Variants in DLG5 observed in about 807,000 individuals in gnomAD.
DLG5 encodes disks large homolog 5.
DLG5 carries 48 observed loss-of-function variants against 189.8 expected under a neutral mutation model. The ratio of observed to expected loss-of-function variants is 0.25; its 90% CI spans 0.20 to 0.32. The LOEUF (loss-of-function observed/expected upper bound fraction) is 0.32. Ranked by LOEUF, DLG5 falls within the 10% of genes least tolerant of loss-of-function variation. The pLI is 1.00. For synonymous variants in DLG5, 1,016 were observed against 1,054.1 expected (o/e 0.96, Z 0.70); for missense variants, 2,160 against 2,544.7 (o/e 0.85, Z 3.25).
intron 1 of DLG5, among the ~76,000 whole-genome samples, chr10:77,891,310 T>C (rs1355290836): frequency 2.0e-5 from 3 of 152,212 alleles, no homozygotes; most frequent in African/African-American, 7.2e-5. Flanking sequence ...CAATGATTTA[T>C]GTGCCGCAAG....
intron 1 of DLG5, among the ~76,000 whole-genome samples, chr10:77,878,551 C>G (rs1845176846): frequency 6.6e-6 from 1 of 152,148 alleles, no homozygotes; most frequent in African/African-American, 2.4e-5. Context: ...GAGTGTTTTG[C>G]TGGTTAGAAG....
At chr10:77,836,454 G>A (rs12253712) in intron 7 of DLG5, among the ~76,000 whole-genome samples, 7,239 of 152,172 alleles carry the variant, frequency 0.048, 559 homozygotes, top group African/African-American at 0.17. Flanking sequence ...AAGCACGACA[G>A]CAGAGGCGCT....
the DLG5 span, among the ~76,000 whole-genome samples, chr10:77,934,860 G>T: frequency 6.9e-3 from 942 of 137,240 alleles, 14 homozygotes; most frequent in African/African-American, 0.023. Flanking sequence ...TTGTTTTTTT[G>T]TTTTTTTTTT....
intron 27 of DLG5, among the ~76,000 whole-genome samples, chr10:77,797,137 G>A (rs761024513): frequency 3.3e-5 from 5 of 152,184 alleles, no homozygotes; most frequent in South Asian, 2.1e-4. Context: ...TCCTCAGAAC[G>A]CAATGCCTCT....
chr10:77,840,006 C>T (rs925563658), intron 7 of DLG5, among the ~76,000 whole-genome samples: 1 of 152,220 alleles, frequency 6.6e-6, no homozygotes, highest in Non-Finnish European at 1.5e-5. Context: ...CTCACTGTTG[C>T]TTTGTGCAGG....
chr10:77,876,476 G>C (rs1345929535), intron 1 of DLG5, among the ~76,000 whole-genome samples: 1 of 151,310 alleles, frequency 6.6e-6, no homozygotes, highest in East Asian at 2.0e-4. Flanking sequence ...CCAGGTTCAA[G>C]CTATTCTCGA....
chr10:77,887,847 C>G (rs1006783419), intron 1 of DLG5, among the ~76,000 whole-genome samples: 1 of 152,242 alleles, frequency 6.6e-6, no homozygotes, highest in African/African-American at 2.4e-5. Flanking sequence ...CAAACAGGCT[C>G]CAGAGCCACA....
At chr10:77,810,595 T>G (rs1316462804) in intron 23 of DLG5, among the ~76,000 whole-genome samples, 1 of 152,238 alleles carries the variant, frequency 6.6e-6, no homozygotes, top group Non-Finnish European at 1.5e-5. Context: ...TGCCCACTCT[T>G]GGCTCTTGCC....
chr10:77,918,716 T>A (rs1015996164), intron 1 of DLG5, among the ~76,000 whole-genome samples: 1 of 151,868 alleles, frequency 6.6e-6, no homozygotes, highest in African/African-American at 2.4e-5. Context: ...AAATCCAATT[T>A]CCCCCCAGCG....
intron 1 of DLG5, among the ~76,000 whole-genome samples, chr10:77,893,717 A>C (rs1426331074): frequency 1.3e-5 from 2 of 152,230 alleles, no homozygotes; most frequent in African/African-American, 4.8e-5. Context: ...GACCAGCAAA[A>C]AGTAACCAAA....
At chr10:77,846,356 T>G (rs1843692190) in intron 5 of DLG5, among the ~76,000 whole-genome samples, 1 of 152,166 alleles carries the variant, frequency 6.6e-6, no homozygotes, top group Non-Finnish European at 1.5e-5. Flanking sequence ...GTCCAGCATC[T>G]AAACTGGATT....
In DLG5 at chr10:77,842,068, T is replaced by A. The variant is rs1202663668; in HGVS notation, c.1250A>T (p.Glu417Val). The A allele has an allele frequency of 6.2e-7, 1 of 1,614,122 alleles. No homozygotes were observed. The highest frequency in any genetic ancestry group is 1.7e-5 in the Admixed American group (1 of 60,036). Reference sequence around the variant, plus strand: ...CCGCTCCTCCCTGTATTTCTCCGACTCCTTTGCTGTCTTCACCTGCGTGGT... The same window carrying A: ...CCGCTCCTCCCTGTATTTCTCCGACACCTTTGCTGTCTTCACCTGCGTGGT... Reference protein sequence around the residue: ...LRTTQVKTAKESEKYREERDA... With the variant: ...LRTTQVKTAKVSEKYREERDA... Residue 417 changes from glutamate (E) to valine (V), a missense_variant, in exon 7 of 32, where the codon GAG becomes GTG. By Grantham distance (121) the Glu-to-Val change is moderately radical. This residue lies in a region of DLG5 where 664 missense variants were observed against 838.5 expected (regional missense o/e 0.79). Coordinates refer to ENST00000372391, the MANE Select transcript of DLG5 (RefSeq NM_004747.4).
At chr10:77,933,094 T>C in the DLG5 span, among the ~76,000 whole-genome samples, 1 of 130,334 alleles carries the variant, frequency 7.7e-6, no homozygotes, top group African/African-American at 3.7e-5. Context: ...TCTTTGACTC[T>C]GAGCCCATTC....
intron 1 of DLG5, among the ~76,000 whole-genome samples, chr10:77,893,061 T>C (rs1345077628): frequency 6.6e-6 from 1 of 152,248 alleles, no homozygotes; most frequent in Non-Finnish European, 1.5e-5. Flanking sequence ...GCATTGGCAT[T>C]GGCGTGCTAG....
chr10:77,834,576 A>G (rs574648922), intron 8 of DLG5, among the ~76,000 whole-genome samples: 1 of 152,296 alleles, frequency 6.6e-6, no homozygotes, highest in East Asian at 1.9e-4. Context: ...GTGCAGGTGC[A>G]AAGTACAAGC....
chr10:77,853,269 A>G, intron 5 of DLG5, 85 bp downstream of exon 5: 1 of 1,270,268 alleles, frequency 7.9e-7, no homozygotes, highest in Non-Finnish European at 1.0e-6. Flanking sequence ...TGCCCGGCCC[A>G]GCATTTACTT....
At chr10:77,807,649 A>T in intron 25 of DLG5, 147 bp downstream of exon 25, 1 of 935,168 alleles carries the variant, frequency 1.1e-6, no homozygotes. Flanking sequence ...AACATAAATA[A>T]GCGTGCAGAT....
At chr10:77,896,219 G>A in intron 1 of DLG5, among the ~76,000 whole-genome samples, 1 of 152,156 alleles carries the variant, frequency 6.6e-6, no homozygotes, top group East Asian at 1.9e-4. Flanking sequence ...GTCAACCATG[G>A]ATAATCCAGA....
At chr10:77,806,694 C>T in intron 26 of DLG5, 64 bp downstream of exon 26, 3 of 1,498,184 alleles carry the variant, frequency 2.0e-6, no homozygotes, top group Non-Finnish European at 2.8e-6. Context: ...CATGGGACAG[C>T]TCCATGGCTG....
Sources: gnomAD v4.1 joint callset for allele counts (sites outside exome capture counted in the v4.1 genomes callset) on GRCh38, gnomAD v4.1.1 for gene constraint, gnomAD v4.1.1 regional missense constraint, MANE v1.5 for transcripts, NCBI Gene and HGNC (gene_info 2026-07-23, HGNC 2026-07-21) for gene names.